Variants in CDH8 observed in about 807,000 individuals in gnomAD.
CDH8 encodes the protein cadherin 8.
In CDH8, 17 loss-of-function variants were observed where a neutral mutation model predicts 68.1. The ratio of observed to expected loss-of-function variants is 0.25; its 90% confidence interval spans 0.17 to 0.37. The LOEUF is 0.37. CDH8 is among the 10% of genes least tolerant of loss of function. CDH8 has a pLI of 1.00. For missense variants in CDH8, 763 were observed against 999.3 expected, an observed-to-expected ratio of 0.76 and a Z score of 3.19; for synonymous variants, 372 against 365.1, an observed-to-expected ratio of 1.02 and a Z score of -0.21.
At chr16:61,935,149 T>C (rs1393210978) in intron 2 of CDH8, among the ~76,000 whole-genome samples, 1 of 152,196 alleles carries the variant, frequency 6.6e-6, no homozygotes, top group African/African-American at 2.4e-5. Flanking sequence ...CTGCAAGTTA[T>C]CTTTAGAAGA....
In CDH8 at chr16:62,017,559, T is replaced by C. The variant is rs938742950; in HGVS notation, c.252+3593A>G. Among the ~76,000 whole-genome samples the C allele has an allele frequency of 5.3e-5, 8 of 152,248 alleles. No homozygotes were observed. In the South Asian group the frequency reaches 1.5e-3, roughly 28 times the overall value. ...ATAGCCAAGCATGGTGGTGCATGAT[T>C]GTAGTCCCAGCTATTAAGAAGGGAC... On this transcript the variant is annotated intron_variant, in intron 2 of 11. Transcript: ENST00000577390.
At chr16:61,778,803 A>T (rs1960964589) in intron 8 of CDH8, among the ~76,000 whole-genome samples, 1 of 152,082 alleles carries the variant, frequency 6.6e-6, no homozygotes, top group African/African-American at 2.4e-5. Context: ...ACTCCATCCA[A>T]CTCCAGAACC....
chr16:61,819,011 A>G (rs1403956024), intron 6 of CDH8, among the ~76,000 whole-genome samples: 1 of 151,284 alleles, frequency 6.6e-6, no homozygotes, highest in Non-Finnish European at 1.5e-5. Context: ...AAAATTACTA[A>G]GCACATGCAT....
At chr16:61,915,101 T>C (rs1460675691) in intron 2 of CDH8, among the ~76,000 whole-genome samples, 1 of 152,202 alleles carries the variant, frequency 6.6e-6, no homozygotes, top group Non-Finnish European at 1.5e-5. Context: ...TAATTGTACC[T>C]TCCTTCCTTT....
chr16:61,783,984 G>A (rs1405980604), intron 8 of CDH8, among the ~76,000 whole-genome samples: 1 of 152,082 alleles, frequency 6.6e-6, no homozygotes, highest in African/African-American at 2.4e-5. Flanking sequence ...GCAAAATCAT[G>A]CCAAAATGTA....
intron 5 of CDH8, among the ~76,000 whole-genome samples, chr16:61,822,116 T>C (rs1962226894): frequency 6.6e-6 from 1 of 151,592 alleles, no homozygotes; most frequent in African/African-American, 2.4e-5. Context: ...GAGTTTTTTC[T>C]TTTCTTTTCC....
At chr16:61,809,228 A>T (rs1195528976) in intron 7 of CDH8, among the ~76,000 whole-genome samples, 1 of 152,190 alleles carries the variant, frequency 6.6e-6, no homozygotes, top group African/African-American at 2.4e-5. Context: ...AAAAAAAGTA[A>T]CAGGCCGTAT....
chr16:61,654,183 G>C, intron 11 of CDH8, 82 bp from the exon 12 acceptor site: 1 of 1,316,004 alleles, frequency 7.6e-7, no homozygotes, highest in Non-Finnish European at 1.0e-6. Context: ...TAGGAGAGAG[G>C]GGTATTTTTA....
At position 61,713,923 on chromosome 16, in the gene CDH8, A is replaced by T; in HGVS notation, c.1572T>A (p.Asp524Glu). Residue 524 changes from aspartate to glutamate, a missense_variant, in exon 10 of 12, where the codon GAT (aspartate) becomes GAA (glutamate). Around this residue, in one of 2 missense-constraint regions of CDH8, gnomAD observed 397 missense variants for 436.2 expected, o/e 0.91. Coordinates refer to ENST00000577390, the MANE Select transcript of CDH8 (RefSeq NM_001796.5). Reference sequence around the variant, plus strand: ...ATAAGAAATAATGTCCGTTTTTGGGATCATCTTTGTCCATGGCGCTAACAG... The same window carrying T: ...ATAAGAAATAATGTCCGTTTTTGGGTTCATCTTTGTCCATGGCGCTAACAG... Reference protein sequence around the residue: ...IQTVSAMDKDDPKNGHYFLYS... With the variant: ...IQTVSAMDKDEPKNGHYFLYS... 1 of 1,609,260 alleles carries T rather than the reference A, an allele frequency of 6.2e-7. No individual in the cohort carries two copies. The highest frequency in any genetic ancestry group is 8.5e-7 in the Non-Finnish European group (1 of 1,176,302).
intron 2 of CDH8, among the ~76,000 whole-genome samples, chr16:61,965,625 C>T (rs749524166): frequency 1.3e-5 from 2 of 152,118 alleles, no homozygotes; most frequent in Non-Finnish European, 2.9e-5. Flanking sequence ...TCTCCTGCTA[C>T]CAAACTTGAT....
rs1963333363 is a variant in CDH8 at position 61,652,043 on chromosome 16, A to C, written c.*1565T>G. 2 of 877,334 alleles carry C rather than the reference A, an allele frequency of 2.3e-6. No individual in the cohort carries two copies. Among genetic ancestry groups the C allele is most frequent in the South Asian group, 1.0e-4 (2 of 19,078 alleles). 54.3% of individuals were successfully genotyped at this position (877,334 alleles called of 1,614,324 possible). On this transcript the variant is annotated 3_prime_UTR_variant, in exon 12 of 12. Coordinates refer to ENST00000577390, the MANE Select transcript of CDH8 (RefSeq NM_001796.5). ...TAAAAATATATTTCACAAAGTAGGA[A>C]ACAATACAGGAGTTTCTCTGAATAC...
At chr16:61,698,395 C>T (rs1041926762) in intron 10 of CDH8, among the ~76,000 whole-genome samples, 6 of 152,166 alleles carry the variant, frequency 3.9e-5, no homozygotes, top group Non-Finnish European at 8.8e-5. Context: ...TCCCTACTCA[C>T]TTTCATCATG....
intron 8 of CDH8, among the ~76,000 whole-genome samples, chr16:61,782,697 GC>G (rs1567468488): frequency 2.0e-5 from 3 of 152,284 alleles, no homozygotes; most frequent in African/African-American, 7.2e-5. Context: ...CTGTCTGACA[GC>G]TTTGAAGAGA....
chr16:61,682,600 G>A (rs1471519508), intron 10 of CDH8, among the ~76,000 whole-genome samples: 2 of 151,558 alleles, frequency 1.3e-5, no homozygotes, highest in African/African-American at 4.8e-5. Context: ...TACAGCCATG[G>A]TGTTTTTCCT....
intron 2 of CDH8, among the ~76,000 whole-genome samples, chr16:61,955,174 G>A (rs989378080): frequency 9.2e-5 from 14 of 152,146 alleles, no homozygotes; most frequent in African/African-American, 3.4e-4. Flanking sequence ...AGATGTCCTA[G>A]TACCTCTGTT....
chr16:61,965,618 C>G (rs1965234673), intron 2 of CDH8, among the ~76,000 whole-genome samples: 1 of 152,130 alleles, frequency 6.6e-6, no homozygotes, highest in South Asian at 2.1e-4. Context: ...ACTCCTGTCT[C>G]CTGCTACCAA....
At chr16:62,008,509 G>A (rs139516610) in intron 2 of CDH8, among the ~76,000 whole-genome samples, 1 of 151,452 alleles carries the variant, frequency 6.6e-6, no homozygotes, top group Non-Finnish European at 1.5e-5. Flanking sequence ...TCTTTCTTGG[G>A]GGTTTGATGG....
In CDH8 at chr16:61,652,937, C is replaced by G. The variant is rs1378515096; in HGVS notation, c.*671G>C. On this transcript the variant is annotated 3_prime_UTR_variant, in exon 12 of 12. Transcript: ENST00000577390. ...ATGTTTGAATGGGATTTCTCTCCTC[C>G]CACCACTGAATTGGCAAGCCCCACC... is the stretch of plus-strand genomic sequence containing the variant. The G allele has an allele frequency of 2.0e-6, 3 of 1,527,396 alleles. No individual in the cohort carries two copies. Among genetic ancestry groups the G allele is most frequent in the Non-Finnish European group, 2.6e-6 (3 of 1,142,968 alleles). 94.6% of individuals were successfully genotyped at this position (1,527,396 alleles called of 1,614,324 possible).
At chr16:62,029,501 G>A in intron 1 of CDH8, among the ~76,000 whole-genome samples, 1 of 152,120 alleles carries the variant, frequency 6.6e-6, no homozygotes, top group East Asian at 1.9e-4. Context: ...GTTTTATTAA[G>A]CCTCAGAAGG....
Sources: gnomAD v4.1 joint callset for allele counts (sites outside exome capture counted in the v4.1 genomes callset) on GRCh38, gnomAD v4.1.1 for gene constraint, gnomAD v4.1.1 regional missense constraint, MANE v1.5 for transcripts, NCBI Gene and HGNC (gene_info 2026-07-23, HGNC 2026-07-21) for gene names.